The following EPHX3 variants were observed in gnomAD, a reference collection of about 807,000 sequenced individuals.
EPHX3 encodes the protein epoxide hydrolase 3.
Under a neutral mutation model 40.2 loss-of-function variants are expected in EPHX3, and 39 were observed. The ratio of observed to expected loss-of-function variants is 0.97; its 90% CI spans 0.75 to 1.27. The LOEUF is 1.27. EPHX3 is among the 50% of genes most tolerant of loss of function. The pLI, the probability that EPHX3 is intolerant of heterozygous loss-of-function variation, is 0.00. For missense variants in EPHX3, 442 were observed against 474.0 expected (o/e 0.93, Z 0.63); for synonymous variants, 213 against 209.7 (o/e 1.02, Z -0.14).
chr19:15,234,111 C>A (rs2047174605), upstream of EPHX3, among the ~76,000 whole-genome samples: 1 of 151,676 alleles, frequency 6.6e-6, no homozygotes, highest in Non-Finnish European at 1.5e-5. Flanking sequence ...GCAACCTTCT[C>A]CCGATATCCT....
chr19:15,231,454 C>G (rs1022191728), intron 2 of EPHX3, 58 bp from the exon 3 acceptor site: 5 of 1,575,722 alleles, frequency 3.2e-6, no homozygotes, highest in Non-Finnish European at 4.3e-6. Context: ...CACCTGCACC[C>G]TACGCACATC....
rs780086523 is a variant in EPHX3, at chr19:15,231,250, A to G, written c.476T>C (p.Ile159Thr). ...GGGTATGTCTGCACCCAGGCCTAGG[A>G]TGACATCTTTGATGTCCACCAGCAG... ...DLLLVDIKDVILGLGYSKCIL... is the reference protein window; with the variant it reads ...DLLLVDIKDVTLGLGYSKCIL... The change falls in exon 3 of 7, where the codon ATC becomes ACC. Residue 159 changes from isoleucine to threonine, a missense_variant. Ile to Thr is a moderately conservative substitution (Grantham distance 89). Coordinates refer to ENST00000221730, the MANE Select transcript of EPHX3 (RefSeq NM_024794.3). 1 of 1,613,958 alleles carries G rather than the reference A, an allele frequency of 6.2e-7. No individual in the cohort carries two copies. Among genetic ancestry groups the G allele is most frequent in the Non-Finnish European group, 8.5e-7 (1 of 1,179,980 alleles).
chr19:15,232,382 C>A lies in EPHX3; in HGVS notation c.-171G>T. On this transcript the variant is annotated 5_prime_UTR_variant, in exon 1 of 7. Transcript: ENST00000221730. The stretch of plus-strand genomic sequence containing the variant: ...GGCGGGCGGCTCCGACAGAAAACAG[C>A]CAGAGCGCACCACTCACCTGAGTGC... 1 of 1,373,206 alleles carries A rather than the reference C, an allele frequency of 7.3e-7. No homozygotes were observed. Among genetic ancestry groups the A allele is most frequent in the Non-Finnish European group, 9.3e-7 (1 of 1,072,732 alleles). The allele number at this position is 1,373,206 out of a possible 1,614,324, so 85.1% of individuals were successfully genotyped here.
upstream of EPHX3, among the ~76,000 whole-genome samples, chr19:15,235,143 A>C (rs2047182351): frequency 6.6e-6 from 1 of 151,988 alleles, no homozygotes; most frequent in Non-Finnish European, 1.5e-5. Flanking sequence ...CCGGGACTAC[A>C]GGTGTGTGCT....
At chr19:15,232,504 G>C (rs2047163261), upstream of EPHX3, 4 of 1,143,000 alleles carry the variant, frequency 3.5e-6, no homozygotes, top group African/African-American at 1.6e-5. Context: ...AATGGGCGGG[G>C]CCTAGCAGGT....
intron 2 of EPHX3, 71 bp downstream of exon 2, chr19:15,231,705 T>C (rs1484893598): frequency 3.4e-5 from 51 of 1,494,352 alleles, no homozygotes; most frequent in Non-Finnish European, 4.8e-5. Flanking sequence ...CCCTCCTCCC[T>C]GCCTCTTGGG....
At chr19:15,229,979 G>A (rs1010513719) in intron 4 of EPHX3, among the ~76,000 whole-genome samples, 6 of 150,340 alleles carry the variant, frequency 4.0e-5, no homozygotes, top group Admixed American at 2.0e-4. Context: ...CCACAGTGCT[G>A]CATATTAACA....
chr19:15,234,287 A>G (rs2047175777), upstream of EPHX3, among the ~76,000 whole-genome samples: 1 of 152,176 alleles, frequency 6.6e-6, no homozygotes, highest in African/African-American at 2.4e-5. Context: ...AGATGTAGGG[A>G]AAAAGGCAGC....
At position 15,231,996 on chromosome 19, in the gene EPHX3, C is replaced by A; in HGVS notation, c.216G>T (p.Leu72=). The change falls in exon 1 of 7, where the codon CTG becomes CTT. Residue 72 remains leucine, a synonymous_variant. Coordinates refer to ENST00000221730, the MANE Select transcript of EPHX3 (RefSeq NM_024794.3). ...ASPACLSDPS[L]GEHGFLNLKS... ...TGAGGTTCAGGAAACCGTGCTCACC[C>A]AGCGAGGGGTCGCTCAGGCAGGCGG... The A allele has an allele frequency of 6.2e-7, 1 of 1,609,118 alleles. No homozygotes were observed. Among genetic ancestry groups the A allele is most frequent in the East Asian group, 2.2e-5 (1 of 44,848 alleles).
chr19:15,234,114 G>A (rs977223485), upstream of EPHX3, among the ~76,000 whole-genome samples: 1 of 150,856 alleles, frequency 6.6e-6, no homozygotes, highest in African/African-American at 2.4e-5. Flanking sequence ...ACCTTCTCCC[G>A]ATATCCTTGA....
upstream of EPHX3, chr19:15,235,467 C>G (rs2145490249): frequency 1.3e-5 from 2 of 152,028 alleles, no homozygotes; most frequent in South Asian, 4.2e-4. Flanking sequence ...GCCCTCATCT[C>G]CCCGCTTCTC....
rs1350615745 is a variant in EPHX3, at chr19:15,227,912, G to C, written c.721-5C>G. ...GGTGAGGGTGGTCTTCAGAATCTAG[G>C]TACACAGCAGGACTCTGGCTTCAGT... On this transcript the variant is annotated splice_polypyrimidine_tract_variant and splice_region_variant and intron_variant, in intron 5 of 6. Transcript: ENST00000221730. 6.2e-7 allele frequency: 1 copy of C among 1,613,882 alleles called. No homozygotes were observed. The highest frequency in any genetic ancestry group is 1.3e-5 in the African/African-American group (1 of 74,860).
upstream of EPHX3, among the ~76,000 whole-genome samples, chr19:15,235,287 G>A (rs1006310031): frequency 6.6e-6 from 1 of 152,072 alleles, no homozygotes; most frequent in African/African-American, 2.4e-5. Flanking sequence ...GATTACAGAT[G>A]TGAGCCACCG....
chr19:15,232,095 G>A lies in EPHX3; in HGVS notation c.117C>T (p.Tyr39=). 1 of 1,554,666 alleles carries A rather than the reference G, an allele frequency of 6.4e-7. No homozygotes were observed. The highest frequency in any genetic ancestry group is 8.6e-7 in the Non-Finnish European group (1 of 1,157,212). ...FSVALVAAAV[Y]GCIALTHVLC... Reference sequence around the variant, plus strand: ...GCACGTGCGTGAGCGCTATGCAGCCGTAGACCGCCGCGGCCACCAGCGCCA... The same window carrying A: ...GCACGTGCGTGAGCGCTATGCAGCCATAGACCGCCGCGGCCACCAGCGCCA... Residue 39 remains tyrosine, a synonymous_variant, in exon 1 of 7, where the codon TAC becomes TAT. Transcript: ENST00000221730.
chr19:15,236,042 G>T (rs1414691546), upstream of EPHX3: 1 of 152,260 alleles, frequency 6.6e-6, no homozygotes, highest in African/African-American at 2.4e-5. Flanking sequence ...GAAAGTGCCT[G>T]AGTGGGCATG....
At chr19:15,229,615 C>T (rs974343583) in intron 4 of EPHX3, among the ~76,000 whole-genome samples, 20 of 147,034 alleles carry the variant, frequency 1.4e-4, no homozygotes, top group Admixed American at 1.3e-3. Context: ...AAAAAAGGGG[C>T]CAGGCGTGGT....
chr19:15,231,188 C>T (rs780506628), intron 3 of EPHX3, 51 bp downstream of exon 3: 31 of 1,612,214 alleles, frequency 1.9e-5, no homozygotes, highest in Middle Eastern at 3.3e-4. Flanking sequence ...CGGGGGTATG[C>T]GTGTGTGCAG....
At position 15,227,615 on chromosome 19, in the gene EPHX3, A is replaced by G; in HGVS notation, c.905T>C (p.Leu302Pro). The G allele has an allele frequency of 1.2e-6, 2 of 1,614,102 alleles. No individual in the cohort carries two copies. Among genetic ancestry groups the G allele is most frequent in the Non-Finnish European group, 1.7e-6 (2 of 1,180,030 alleles). Reference protein sequence around the residue: ...PQELTTPTLLLWGEKDTYLEL... With the variant: ...PQELTTPTLLPWGEKDTYLEL... ...CAAGTAAGTGTCCTTCTCCCCCCAC[A>G]GCAGCAATGTGGGTGTGGTCAGCTC... Residue 302 changes from leucine to proline, a missense_variant, in exon 7 of 7, where the codon CTG becomes CCG. Leu to Pro is a moderately conservative substitution (Grantham distance 98, BLOSUM62 -3). Transcript: ENST00000221730.
At chr19:15,232,605 G>A (rs988994985), upstream of EPHX3, among the ~76,000 whole-genome samples, 3 of 151,748 alleles carry the variant, frequency 2.0e-5, no homozygotes, top group Non-Finnish European at 2.9e-5. Flanking sequence ...GGCCGGGTGC[G>A]GTGGCTCACG....
Sources: allele counts gnomAD v4.1 joint callset (sites outside exome capture counted in the v4.1 genomes callset), GRCh38; gene constraint gnomAD v4.1.1; transcripts MANE v1.5; gene names NCBI Gene and HGNC (gene_info 2026-07-23, HGNC 2026-07-21).